Variants in ARMH4 observed in about 807,000 individuals in gnomAD.
ARMH4 encodes armadillo like helical domain containing 4.
In ARMH4, 49 loss-of-function variants were observed where a neutral mutation model predicts 61.9. The observed-to-expected ratio is 0.79, with a 90% CI of 0.63 to 1.00. The LOEUF (loss-of-function observed/expected upper bound fraction) is 1.00, where lower values mean the gene tolerates loss of function less well. Ranked by LOEUF, ARMH4 falls within the 50% of genes least tolerant of loss-of-function variation. The pLI is 0.00. For synonymous variants in ARMH4, 368 were observed against 341.5 expected (o/e 1.08, Z -0.85); for missense variants, 934 against 930.0 (o/e 1.00, Z -0.06).
chr14:58,128,946 G>A (rs1304468034), intron 4 of ARMH4, among the ~76,000 whole-genome samples: 1 of 152,190 alleles, frequency 6.6e-6, no homozygotes, highest in Non-Finnish European at 1.5e-5. Context: ...GAAAACTTGA[G>A]CACAGAGACA....
rs1217216792 is a variant in ARMH4, at chr14:58,139,258, C to T, written c.101G>A (p.Arg34Lys). The T allele has an allele frequency of 6.2e-7, 1 of 1,614,188 alleles. No homozygotes were observed. The highest frequency in any genetic ancestry group is 8.5e-7 in the Non-Finnish European group (1 of 1,180,040). Residue 34 changes from arginine to lysine, a missense_variant, in exon 2 of 8, where the codon AGG (arginine) becomes AAG (lysine). Arg to Lys is a conservative substitution (Grantham distance 26, BLOSUM62 2). Transcript: ENST00000267485. ...CGCATGAACATGTGCTATCTCCCTC[C>T]TCCTTTCTATTTTGGGGAAGGCCAG... The part of the protein sequence containing the change: ...QCLAFPKIER[R>K]REIAHVHAEK...
intron 4 of ARMH4, among the ~76,000 whole-genome samples, chr14:58,110,523 A>G (rs1223286252): frequency 6.6e-6 from 1 of 152,162 alleles, no homozygotes; most frequent in East Asian, 1.9e-4. Flanking sequence ...CAAGTCTGAT[A>G]TATTTTCTCT....
intron 4 of ARMH4, among the ~76,000 whole-genome samples, chr14:58,126,979 T>C (rs1319755594): frequency 2.0e-5 from 3 of 151,972 alleles, no homozygotes; most frequent in Non-Finnish European, 4.4e-5. Flanking sequence ...ATTTTTTGTA[T>C]TTTTAGTAGA....
At chr14:58,060,418 G>C (rs995413756) in intron 5 of ARMH4, among the ~76,000 whole-genome samples, 1 of 152,192 alleles carries the variant, frequency 6.6e-6, no homozygotes, top group East Asian at 1.9e-4. Context: ...TAAATTGACT[G>C]CCATAACCAA....
intron 4 of ARMH4, among the ~76,000 whole-genome samples, chr14:58,118,175 G>A (rs1566588381): frequency 6.6e-6 from 1 of 152,144 alleles, no homozygotes; most frequent in African/African-American, 2.4e-5. Context: ...CCTGTTTATG[G>A]AGCAGAGGAG....
intron 5 of ARMH4, among the ~76,000 whole-genome samples, chr14:58,062,243 A>G (rs1884554866): frequency 6.6e-6 from 1 of 152,204 alleles, no homozygotes; most frequent in African/African-American, 2.4e-5. Flanking sequence ...TGGGAGGCTG[A>G]GGTAGGAGGA....
At position 58,013,193 on chromosome 14, in the gene ARMH4, C is replaced by G. The variant is rs1882473328; in HGVS notation, c.2090-1043G>C. ...TTATGAAGAGTCAGATAGTTAATAT[C>G]TCAGGTTTTGCAGAGCGTATAGTCT... On this transcript the variant is annotated intron_variant, in intron 5 of 7. Coordinates refer to ENST00000267485, the MANE Select transcript of ARMH4 (RefSeq NM_001001872.4). Among the ~76,000 whole-genome samples, 2 of 152,146 alleles carry G rather than the reference C, an allele frequency of 1.3e-5. 1 individual carries two copies. Among genetic ancestry groups the G allele is most frequent in the South Asian group, 4.1e-4 (2 of 4,830 alleles).
Position 58,045,611 on chromosome 14 carries a change from T to TA in ARMH4, c.2090-33462dup, listed in dbSNP as rs35233829. On this transcript the variant is annotated intron_variant, in intron 5 of 7. Coordinates refer to ENST00000267485, the MANE Select transcript of ARMH4 (RefSeq NM_001001872.4). The stretch of plus-strand genomic sequence containing the variant: ...ATGTACCCTAGAACTTAAAGTATAA[T>TA]AAAAAAAAAAAAAGAAACACGGTCT... Among the ~76,000 whole-genome samples, 718 of 133,756 alleles carry TA rather than the reference T, an allele frequency of 5.4e-3. 5 individuals carry two copies. The highest frequency in any genetic ancestry group is 0.013 in the African/African-American group (472 of 36,656). 87.7% of individuals were successfully genotyped at this position (133,756 alleles called of 152,430 possible). A position where few individuals can be genotyped will look rare whatever the true frequency, so the allele number is the denominator to read the frequency against.
At chr14:58,074,816 T>G (rs927950900) in intron 5 of ARMH4, among the ~76,000 whole-genome samples, 53 of 152,346 alleles carry the variant, frequency 3.5e-4, no homozygotes, top group African/African-American at 1.2e-3. Flanking sequence ...ATAATTTGAT[T>G]TCTATTAATG....
At chr14:58,076,700 G>T (rs1885059747) in intron 5 of ARMH4, among the ~76,000 whole-genome samples, 2 of 152,218 alleles carry the variant, frequency 1.3e-5, no homozygotes, top group Non-Finnish European at 1.5e-5. Flanking sequence ...AATGGAAGAG[G>T]GATAAAGGTG....
At chr14:58,109,965 G>T (rs1343809472) in intron 4 of ARMH4, among the ~76,000 whole-genome samples, 1 of 152,132 alleles carries the variant, frequency 6.6e-6, no homozygotes, top group African/African-American at 2.4e-5. Flanking sequence ...TGTGAAGAAG[G>T]AACTGTCCAA....
At chr14:58,098,586 C>T (rs10148434) in intron 4 of ARMH4, among the ~76,000 whole-genome samples, 60,276 of 152,088 alleles carry the variant, frequency 0.4, 12,536 homozygotes, top group Non-Finnish European at 0.47. Flanking sequence ...CAAAATAATG[C>T]ATTCTTTTGT....
At chr14:58,097,074 T>C (rs1885780018) in intron 4 of ARMH4, 93 bp from the exon 5 acceptor site, 1 of 1,354,292 alleles carries the variant, frequency 7.4e-7, no homozygotes, top group Non-Finnish European at 1.0e-6. Context: ...CACTACAAAA[T>C]AATTGTTTGG....
chr14:58,098,808 A>G (rs1201561494), intron 4 of ARMH4, among the ~76,000 whole-genome samples: 1 of 151,998 alleles, frequency 6.6e-6, no homozygotes, highest in Non-Finnish European at 1.5e-5. Context: ...ATTTATTTCA[A>G]TAGGTTTTTG....
At chr14:58,085,346 C>T (rs1468752886) in intron 5 of ARMH4, among the ~76,000 whole-genome samples, 1 of 150,606 alleles carries the variant, frequency 6.6e-6, no homozygotes, top group East Asian at 1.9e-4. Flanking sequence ...CCCAGTTTTC[C>T]TAGTGTTTCT....
intron 5 of ARMH4, among the ~76,000 whole-genome samples, chr14:58,014,004 A>G (rs1275977049): frequency 6.7e-6 from 1 of 149,294 alleles, no homozygotes; most frequent in Non-Finnish European, 1.5e-5. Context: ...AGCCTGGGCA[A>G]CAGAGTAAGA....
intron 4 of ARMH4, among the ~76,000 whole-genome samples, chr14:58,122,893 C>T (rs189855634): frequency 7.7e-4 from 117 of 152,312 alleles, no homozygotes; most frequent in African/African-American, 2.6e-3. Context: ...AGCAGCAGGA[C>T]TGAGGGTGCC....
At chr14:58,048,564 T>C (rs1274584577) in intron 5 of ARMH4, among the ~76,000 whole-genome samples, 2 of 152,208 alleles carry the variant, frequency 1.3e-5, no homozygotes, top group Non-Finnish European at 2.9e-5. Flanking sequence ...GTCAGCACTT[T>C]ATGCTTGTCT....
At chr14:58,029,602 A>G (rs913832726) in intron 5 of ARMH4, among the ~76,000 whole-genome samples, 2 of 152,222 alleles carry the variant, frequency 1.3e-5, no homozygotes, top group African/African-American at 4.8e-5. Flanking sequence ...GCATGAAAAA[A>G]TGCTGAACAT....
Sources: gnomAD v4.1 joint callset for allele counts (sites outside exome capture counted in the v4.1 genomes callset) on GRCh38, gnomAD v4.1.1 for gene constraint, MANE v1.5 for transcripts, NCBI Gene and HGNC (gene_info 2026-07-23, HGNC 2026-07-21) for gene names.